The following CLVS1 variants were observed in gnomAD, a reference collection of about 807,000 sequenced individuals.
CLVS1 encodes the protein clavesin-1.
CLVS1 carries 10 observed loss-of-function variants against 33.1 expected under a neutral mutation model. The ratio of observed to expected loss-of-function variants is 0.30; its 90% CI spans 0.19 to 0.51. CLVS1 has a LOEUF of 0.51. Ranked by LOEUF, CLVS1 falls within the 20% of genes least tolerant of loss-of-function variation. The probability of loss-of-function intolerance (pLI) is 0.97; values close to 1 mark genes in which losing one functional copy is unlikely to be tolerated. For missense variants in CLVS1, 343 were observed against 433.4 expected, an observed-to-expected ratio of 0.79 and a Z score of 1.85; for synonymous variants, 163 against 166.1, an observed-to-expected ratio of 0.98 and a Z score of 0.14.
At chr8:61,469,445 A>G (rs1054280579) in intron 5 of CLVS1, among the ~76,000 whole-genome samples, 53 of 152,312 alleles carry the variant, frequency 3.5e-4, no homozygotes, top group African/African-American at 1.3e-3. Context: ...TGGCAGGCTG[A>G]GAATGCCCGG....
chr8:61,484,787 C>A (rs1281162133), intron 5 of CLVS1, among the ~76,000 whole-genome samples: 1 of 152,024 alleles, frequency 6.6e-6, no homozygotes, highest in Admixed American at 6.6e-5. Context: ...GGAAATAATA[C>A]CACACATCTA....
In CLVS1 at chr8:61,500,941, A is replaced by ACAT. The variant is rs1186131334; in HGVS notation, c.*1404_*1406dup. 1 of 152,202 alleles carries ACAT rather than the reference A, an allele frequency of 6.6e-6. No homozygotes were observed. Among genetic ancestry groups the ACAT allele is most frequent in the Non-Finnish European group, 1.5e-5 (1 of 68,020 alleles). The allele number at this position is 152,202 out of a possible 1,614,324, so 9.4% of individuals were successfully genotyped here. ...TTATTACTAATCTTAATTATTTATT[A>ACAT]CATCATCTCTTTCTCAATGGATCTA... On this transcript the variant is annotated 3_prime_UTR_variant, in exon 6 of 6. Coordinates refer to ENST00000325897, the MANE Select transcript of CLVS1 (RefSeq NM_173519.3).
intron 1 of CLVS1, among the ~76,000 whole-genome samples, chr8:61,059,499 T>TATATATATATATATATATATATATAC (rs1265187479): frequency 8.2e-4 from 79 of 96,124 alleles, no homozygotes; most frequent in South Asian, 1.6e-3. Flanking sequence ...TATATATATA[T>TATATATATATATATATATATATATAC]ACACATATCT....
chr8:61,201,766 T>C (rs1251264589), intron 2 of CLVS1, among the ~76,000 whole-genome samples: 1 of 152,226 alleles, frequency 6.6e-6, no homozygotes, highest in Non-Finnish European at 1.5e-5. Flanking sequence ...CTCTAACAAG[T>C]GTCTGTTTGA....
Position 61,232,023 on chromosome 8 carries a change from G to GTTTGTTTGTTTGTTTTT in CLVS1, c.-151-67651_-151-67650insGTTTGTTTGTTTTTTTT. On this transcript the variant is annotated intron_variant, in intron 2 of 2. Transcript: ENST00000522621. Reference sequence around the variant, plus strand: ...AGAAGGAGCCCTGAGGAAAGTTGTGGTTTTTTTTTTTTTTTTTTTTTTTTT... The same window carrying GTTTGTTTGTTTGTTTTT: ...AGAAGGAGCCCTGAGGAAAGTTGTGGTTTGTTTGTTTGTTTTTTTTTTTTTTTTTTTTTTTTTTTTTT... Among the ~76,000 whole-genome samples the GTTTGTTTGTTTGTTTTT allele has an allele frequency of 6.5e-4, 41 of 62,650 alleles. 1 individual carries two copies. The highest frequency in any genetic ancestry group is 9.0e-4 in the African/African-American group (19 of 21,118). 41.1% of individuals were successfully genotyped at this position (62,650 alleles called of 152,430 possible). A position where few individuals can be genotyped will look rare whatever the true frequency, so the allele number is the denominator to read the frequency against.
intron 1 of CLVS1, among the ~76,000 whole-genome samples, chr8:61,105,352 AT>A (rs1805515778): frequency 6.6e-6 from 1 of 152,270 alleles, no homozygotes; most frequent in Admixed American, 6.5e-5. Flanking sequence ...TATTATTGGG[AT>A]TTAATAGCTT....
At chr8:61,486,277 T>A (rs1393673350) in intron 5 of CLVS1, among the ~76,000 whole-genome samples, 1 of 151,956 alleles carries the variant, frequency 6.6e-6, no homozygotes, top group African/African-American at 2.4e-5. Flanking sequence ...TTGCTCAGAG[T>A]CAGGCCAAAA....
intron 2 of CLVS1, among the ~76,000 whole-genome samples, chr8:61,173,416 A>C (rs4738872): frequency 0.15 from 23,355 of 152,050 alleles, 2,053 homozygotes; most frequent in Admixed American, 0.24. Flanking sequence ...TTGTTTCTCT[A>C]GTTTCTTGAG....
chr8:61,226,486 C>T (rs1382116293), intron 2 of CLVS1, among the ~76,000 whole-genome samples: 1 of 152,186 alleles, frequency 6.6e-6, no homozygotes, highest in Non-Finnish European at 1.5e-5. Flanking sequence ...GCCCTTAAAA[C>T]TATAAGGTAT....
intron 2 of CLVS1, among the ~76,000 whole-genome samples, chr8:61,137,722 C>T (rs997913140): frequency 6.6e-6 from 1 of 152,170 alleles, no homozygotes; most frequent in Non-Finnish European, 1.5e-5. Context: ...TAGCCAGGCT[C>T]GATGTTGCCA....
chr8:61,046,596 C>T, the CLVS1 span, among the ~76,000 whole-genome samples: 127 of 150,468 alleles, frequency 8.4e-4, no homozygotes, highest in Non-Finnish European at 1.6e-3. Flanking sequence ...GCCATTTTCA[C>T]GATATTGATT....
chr8:61,013,797 C>G, the CLVS1 span, among the ~76,000 whole-genome samples: 2 of 152,186 alleles, frequency 1.3e-5, no homozygotes, highest in Non-Finnish European at 2.9e-5. Context: ...CATGACCCCT[C>G]CTCCCACCAT....
chr8:61,057,935 A>C (rs1804508658), intron 1 of CLVS1, among the ~76,000 whole-genome samples: 1 of 152,210 alleles, frequency 6.6e-6, no homozygotes, highest in Non-Finnish European at 1.5e-5. Context: ...AGACTCGAAA[A>C]TGTCTTTTGA....
chr8:61,382,802 G>A (rs1341088330), intron 3 of CLVS1, among the ~76,000 whole-genome samples: 1 of 152,130 alleles, frequency 6.6e-6, no homozygotes, highest in Non-Finnish European at 1.5e-5. Flanking sequence ...GTGTGGGTGA[G>A]AGTAGAGCCC....
chr8:61,063,541 G>A (rs1268612531), intron 1 of CLVS1, among the ~76,000 whole-genome samples: 1 of 152,130 alleles, frequency 6.6e-6, no homozygotes, highest in African/African-American at 2.4e-5. Context: ...GCTTCAAGAA[G>A]GATGGACACA....
intron 2 of CLVS1, among the ~76,000 whole-genome samples, chr8:61,172,514 A>G (rs1475165369): frequency 6.6e-6 from 1 of 152,216 alleles, no homozygotes; most frequent in African/African-American, 2.4e-5. Context: ...GAAAAAATAA[A>G]ATAATAAATA....
chr8:61,383,952 G>A (rs1813983988), intron 3 of CLVS1, among the ~76,000 whole-genome samples: 2 of 152,124 alleles, frequency 1.3e-5, no homozygotes, highest in Non-Finnish European at 2.9e-5. Flanking sequence ...ACAAAGAAAT[G>A]ATTTCTTTAA....
intron 2 of CLVS1, among the ~76,000 whole-genome samples, chr8:61,272,448 T>A (rs1349952447): frequency 6.6e-6 from 1 of 151,998 alleles, no homozygotes; most frequent in African/African-American, 2.4e-5. Flanking sequence ...ATTTCAACTT[T>A]GGTGAATCTG....
chr8:61,191,973 T>C (rs904033783), intron 2 of CLVS1, among the ~76,000 whole-genome samples: 2 of 152,198 alleles, frequency 1.3e-5, no homozygotes, highest in African/African-American at 4.8e-5. Context: ...ACAGATTTAA[T>C]GCCATCCCCA....
Sources: allele counts gnomAD v4.1 joint callset (sites outside exome capture counted in the v4.1 genomes callset), GRCh38; gene constraint gnomAD v4.1.1; transcripts MANE v1.5; gene names NCBI Gene and HGNC (gene_info 2026-07-23, HGNC 2026-07-21).